CNTLN: variants seen among roughly 807,000 people sequenced by gnomAD.
CNTLN encodes centlein, centrosomal protein.
CNTLN carries 212 observed loss-of-function variants against 180.0 expected under a neutral mutation model. That is an observed-to-expected ratio of 1.18 (90% confidence interval 1.05 to 1.32). The LOEUF (loss-of-function observed/expected upper bound fraction) is 1.32, where lower values mean the gene tolerates loss of function less well. CNTLN is among the 40% of genes most tolerant of loss of function. CNTLN has a pLI of 0.00. For missense variants in CNTLN, 2,095 were observed against 1,610.9 expected (o/e 1.30, Z -5.14); for synonymous variants, 722 against 563.1 (o/e 1.28, Z -3.99).
chr9:17,151,501 G>C (rs1023576572), intron 2 of CNTLN, among the ~76,000 whole-genome samples: 8 of 152,180 alleles, frequency 5.3e-5, no homozygotes, highest in African/African-American at 1.9e-4. Context: ...TGCATCCCAG[G>C]GATGAAGCCA....
chr9:17,224,396 A>G (rs1260804553), intron 2 of CNTLN, among the ~76,000 whole-genome samples: 1 of 152,002 alleles, frequency 6.6e-6, no homozygotes, highest in Non-Finnish European at 1.5e-5. Context: ...CTTCAATCTG[A>G]GAACTTTATT....
intron 7 of CNTLN, among the ~76,000 whole-genome samples, chr9:17,306,661 C>T (rs1353290202): frequency 6.6e-6 from 1 of 152,136 alleles, no homozygotes; most frequent in Non-Finnish European, 1.5e-5. Context: ...CATGCCTGTA[C>T]CTTGGTCATT....
At chr9:17,517,215 C>A in the CNTLN span, among the ~76,000 whole-genome samples, 2 of 151,698 alleles carry the variant, frequency 1.3e-5, no homozygotes, top group African/African-American at 4.8e-5. Flanking sequence ...ATGGTGAAAC[C>A]CCGTCTCTAC....
intron 6 of CNTLN, among the ~76,000 whole-genome samples, chr9:17,280,504 A>T (rs923095229): frequency 5.3e-5 from 8 of 152,156 alleles, no homozygotes; most frequent in Admixed American, 3.9e-4. Flanking sequence ...ACAGGGCCTG[A>T]GTCACGGATT....
chr9:17,401,388 T>A (rs76320640), intron 15 of CNTLN, among the ~76,000 whole-genome samples: 1 of 152,172 alleles, frequency 6.6e-6, no homozygotes, highest in African/African-American at 2.4e-5. Context: ...TTTTTTTTTT[T>A]AATGACGTGG....
chr9:17,135,534 T>G, intron 1 of CNTLN, 109 bp downstream of exon 1: 1 of 1,355,258 alleles, frequency 7.4e-7, no homozygotes, highest in Non-Finnish European at 9.8e-7. Flanking sequence ...CCAGCGACGC[T>G]CCCTGGCAGA....
At chr9:17,515,019 C>T in the CNTLN span, among the ~76,000 whole-genome samples, 2 of 152,216 alleles carry the variant, frequency 1.3e-5, no homozygotes, top group African/African-American at 4.8e-5. Flanking sequence ...TACCTACACT[C>T]AGATGTTTTT....
At chr9:17,398,804 G>A (rs1826736109) in intron 15 of CNTLN, among the ~76,000 whole-genome samples, 1 of 152,132 alleles carries the variant, frequency 6.6e-6, no homozygotes, top group South Asian at 2.1e-4. Context: ...ACCAAAATAA[G>A]CAATTTTGGC....
intron 13 of CNTLN, among the ~76,000 whole-genome samples, chr9:17,377,351 C>T (rs1021732443): frequency 3.3e-5 from 5 of 152,152 alleles, no homozygotes; most frequent in Non-Finnish European, 5.9e-5. Flanking sequence ...TTGAGACCAG[C>T]CTGGCCAACA....
chr9:17,226,571 TAGC>T, intron 3 of CNTLN, among the ~76,000 whole-genome samples: 1 of 152,106 alleles, frequency 6.6e-6, no homozygotes, highest in South Asian at 2.1e-4. Context: ...TTGACATTAT[TAGC>T]AGTTATCATT....
chr9:17,451,346 A>C (rs1181181712), intron 18 of CNTLN, among the ~76,000 whole-genome samples: 1 of 152,212 alleles, frequency 6.6e-6, no homozygotes, highest in Admixed American at 6.5e-5. Flanking sequence ...GCCTGTACTT[A>C]ATTATGAATC....
chr9:17,414,674 T>C (rs112550981), intron 16 of CNTLN, among the ~76,000 whole-genome samples: 16 of 152,370 alleles, frequency 1.1e-4, no homozygotes, highest in African/African-American at 3.8e-4. Flanking sequence ...TTCTGTTCCA[T>C]GTGTTAATCA....
intron 23 of CNTLN, among the ~76,000 whole-genome samples, chr9:17,477,411 A>G (rs114038260): frequency 1.3e-5 from 2 of 152,190 alleles, no homozygotes; most frequent in East Asian, 1.9e-4. Flanking sequence ...TTCTGTAGAT[A>G]GTGATTCCTC....
At chr9:17,441,694 T>G (rs994913513) in intron 18 of CNTLN, among the ~76,000 whole-genome samples, 2 of 151,790 alleles carry the variant, frequency 1.3e-5, no homozygotes, top group African/African-American at 2.4e-5. Context: ...AATAGGAAAT[T>G]TTTTCACCAT....
chr9:17,345,685 ATC>A (rs1233541017), intron 12 of CNTLN, among the ~76,000 whole-genome samples: 5 of 152,094 alleles, frequency 3.3e-5, no homozygotes, highest in African/African-American at 1.2e-4. Context: ...TAATACAGTT[ATC>A]TCAAATATTT....
intron 3 of CNTLN, among the ~76,000 whole-genome samples, chr9:17,230,887 G>A (rs900547001): frequency 8.6e-5 from 13 of 151,954 alleles, no homozygotes; most frequent in Non-Finnish European, 1.6e-4. Flanking sequence ...TAAACTCTCA[G>A]ACTTGTCCAT....
chr9:17,346,271 G>C (rs1027961914), intron 12 of CNTLN, among the ~76,000 whole-genome samples: 1 of 152,014 alleles, frequency 6.6e-6, no homozygotes, highest in African/African-American at 2.4e-5. Flanking sequence ...ACTAGCATGA[G>C]AACAGCATGA....
intron 18 of CNTLN, among the ~76,000 whole-genome samples, chr9:17,427,080 T>G (rs1216503140): frequency 6.6e-6 from 1 of 152,098 alleles, no homozygotes; most frequent in Non-Finnish European, 1.5e-5. Context: ...GAACTGAAGT[T>G]GCAGCACTCC....
At chr9:17,519,643 C>G in the CNTLN span, among the ~76,000 whole-genome samples, 1 of 152,156 alleles carries the variant, frequency 6.6e-6, no homozygotes, top group Non-Finnish European at 1.5e-5. Context: ...ATATATGGTG[C>G]TGGATCATGG....
Sources: gnomAD v4.1 joint callset for allele counts (sites outside exome capture counted in the v4.1 genomes callset) on GRCh38, gnomAD v4.1.1 for gene constraint, MANE v1.5 for transcripts, NCBI Gene and HGNC (gene_info 2026-07-23, HGNC 2026-07-21) for gene names.